The following PIP5K1B variants were observed in gnomAD, a reference collection of about 807,000 sequenced individuals.
PIP5K1B encodes phosphatidylinositol 4-phosphate 5-kinase type-1 beta.
In PIP5K1B, 42 loss-of-function variants were observed where a neutral mutation model predicts 67.0. The observed-to-expected ratio is 0.63, with a 90% CI of 0.49 to 0.81. PIP5K1B has a LOEUF of 0.81. Ranked by LOEUF, PIP5K1B falls within the 30% of genes least tolerant of loss-of-function variation. The pLI is 0.00. For missense variants in PIP5K1B, 459 were observed against 646.3 expected (o/e 0.71, Z 3.14); for synonymous variants, 214 against 231.4 (o/e 0.92, Z 0.68).
At chr9:68,723,185 A>T (rs1345199031) in intron 1 of PIP5K1B, among the ~76,000 whole-genome samples, 359 of 35,268 alleles carry the variant, frequency 0.01, 6 homozygotes, top group Admixed American at 0.085. Flanking sequence ...TGTGTGAGAG[A>T]GAGAGAGAGA....
chr9:68,980,399 A>G (rs1829839567), intron 14 of PIP5K1B, among the ~76,000 whole-genome samples: 1 of 152,178 alleles, frequency 6.6e-6, no homozygotes, highest in Non-Finnish European at 1.5e-5. Context: ...TCCTGTCTAC[A>G]TTTGTTATCA....
intron 15 of PIP5K1B, among the ~76,000 whole-genome samples, chr9:69,003,059 G>C (rs1470171158): frequency 6.6e-6 from 1 of 152,214 alleles, no homozygotes; most frequent in South Asian, 2.1e-4. Context: ...GGGGACCCCG[G>C]AGCCAAGGAG....
Position 68,917,623 on chromosome 9 carries a change from A to G in PIP5K1B, c.847A>G (p.Lys283Glu). Residue 283 changes from lysine to glutamate, a missense_variant, in exon 9 of 16, where the codon AAA (lysine) becomes GAA (glutamate). By Grantham distance (56) the Lys-to-Glu change is moderately conservative. This residue lies in a region of PIP5K1B where 290 missense variants were observed against 474.4 expected (regional missense o/e 0.61). Coordinates refer to ENST00000265382, the MANE Select transcript of PIP5K1B (RefSeq NM_003558.4). Reference protein sequence around the residue: ...IHFLDHSLKEKEEETPQNVPD... With the variant: ...IHFLDHSLKEEEEETPQNVPD... ...TTTCCTGGACCATTCCCTCAAAGAG[A>G]AAGAGGAGGAGACCCCACAAAATGT... 6.2e-7 allele frequency: 1 copy of G among 1,613,968 alleles called. No individual in the cohort carries two copies. The highest frequency in any genetic ancestry group is 1.1e-5 in the South Asian group (1 of 91,074).
At chr9:68,865,013 T>A (rs1452140570) in intron 5 of PIP5K1B, among the ~76,000 whole-genome samples, 1 of 152,216 alleles carries the variant, frequency 6.6e-6, no homozygotes, top group African/African-American at 2.4e-5. Flanking sequence ...TAAAACCTGT[T>A]TGTGGACATG....
intron 2 of PIP5K1B, among the ~76,000 whole-genome samples, chr9:68,806,977 TAC>T (rs1832905200): frequency 6.6e-6 from 1 of 151,658 alleles, no homozygotes. Flanking sequence ...AATTTTTTAT[TAC>T]ATATTAAAGA....
intron 13 of PIP5K1B, among the ~76,000 whole-genome samples, chr9:68,938,691 C>T (rs1213753440): frequency 2.0e-5 from 3 of 152,128 alleles, no homozygotes; most frequent in Non-Finnish European, 2.9e-5. Context: ...GTGCTGAAGA[C>T]GAATCCTCTT....
intron 12 of PIP5K1B, among the ~76,000 whole-genome samples, chr9:68,932,455 C>A (rs931866076): frequency 6.6e-6 from 1 of 151,938 alleles, no homozygotes; most frequent in Admixed American, 6.6e-5. Context: ...AAAAAAATTG[C>A]GTGTTAACAT....
chr9:68,837,415 A>C (rs1388810322), intron 4 of PIP5K1B, among the ~76,000 whole-genome samples: 2 of 152,148 alleles, frequency 1.3e-5, no homozygotes, highest in African/African-American at 4.8e-5. Flanking sequence ...AAAATGCCTT[A>C]GTTTTCACTT....
chr9:68,943,491 A>G (rs1480043634), intron 14 of PIP5K1B, among the ~76,000 whole-genome samples: 1 of 152,166 alleles, frequency 6.6e-6, no homozygotes, highest in Non-Finnish European at 1.5e-5. Flanking sequence ...AAACTTCACC[A>G]ACAAACCAAA....
chr9:68,943,875 A>T (rs896479540), intron 14 of PIP5K1B, among the ~76,000 whole-genome samples: 2 of 152,230 alleles, frequency 1.3e-5, no homozygotes, highest in Non-Finnish European at 2.9e-5. Context: ...TAAGTTGGCA[A>T]GGTATTGATT....
intron 2 of PIP5K1B, chr9:68,784,439 G>A (rs1210059340): frequency 6.0e-6 from 1 of 166,956 alleles, no homozygotes; most frequent in African/African-American, 2.4e-5. Flanking sequence ...GCTGCTGGAT[G>A]TTAGGACCCT....
chr9:68,799,376 T>C (rs1347578440), intron 2 of PIP5K1B, among the ~76,000 whole-genome samples: 1 of 152,180 alleles, frequency 6.6e-6, no homozygotes, highest in Non-Finnish European at 1.5e-5. Context: ...TGGTATTGTT[T>C]TATAGAAATA....
intron 15 of PIP5K1B, among the ~76,000 whole-genome samples, chr9:69,002,543 C>T (rs756775783): frequency 6.6e-6 from 1 of 152,154 alleles, no homozygotes; most frequent in African/African-American, 2.4e-5. Context: ...CACTGCACTA[C>T]ATCCCCAAAT....
At chr9:68,782,081 A>G (rs1336026171) in intron 2 of PIP5K1B, 1 of 167,028 alleles carries the variant, frequency 6.0e-6, no homozygotes, top group Non-Finnish European at 1.5e-5. Flanking sequence ...CTTGTTCAGG[A>G]AGGAAGCAGC....
intron 14 of PIP5K1B, among the ~76,000 whole-genome samples, chr9:68,942,890 A>G (rs1358084035): frequency 6.6e-6 from 1 of 152,176 alleles, no homozygotes; most frequent in Non-Finnish European, 1.5e-5. Context: ...AATTTAATCT[A>G]GGGAATTGGG....
intron 1 of PIP5K1B, among the ~76,000 whole-genome samples, chr9:68,738,283 T>A (rs1828839697): frequency 1.3e-5 from 2 of 152,258 alleles, no homozygotes; most frequent in South Asian, 4.1e-4. Flanking sequence ...GTTGTATTTA[T>A]AATTGAAACA....
In PIP5K1B at chr9:68,876,683, G is replaced by C. The variant is rs1295929571; in HGVS notation, c.207G>C (p.Gly69=). 6.4e-7 allele frequency: 1 copy of C among 1,557,150 alleles called. No individual in the cohort carries two copies. Among genetic ancestry groups the C allele is most frequent in the Non-Finnish European group, 8.9e-7 (1 of 1,128,176 alleles). The part of the protein sequence containing the change: ...VVESVFLPSE[G]SNLTPAHHYP... Reference sequence around the variant, plus strand: ...TTTAATATTTTGACTTCAGCGAAGGGAGCAATCTGACCCCAGCACATCACT... The same window carrying C: ...TTTAATATTTTGACTTCAGCGAAGGCAGCAATCTGACCCCAGCACATCACT... Residue 69 remains glycine, a synonymous_variant, in exon 6 of 16, where the codon GGG becomes GGC. Coordinates refer to ENST00000265382, the MANE Select transcript of PIP5K1B (RefSeq NM_003558.4).
rs866412613 is a variant in PIP5K1B, at chr9:68,749,339, G to A, written c.-86+6682G>A. ...TGAAGTGATGTGGCTACCAGTCAAG[G>A]AGTGCCAATTCTGGCAGCCACCAGG... On this transcript the variant is annotated intron_variant, in intron 2 of 15. Transcript: ENST00000265382. Among the ~76,000 whole-genome samples, 10 of 152,288 alleles carry A rather than the reference G, an allele frequency of 6.6e-5. No individual in the cohort carries two copies. In the Middle Eastern group the frequency reaches 0.017, roughly 259 times the overall value.
At chr9:68,737,922 G>T (rs1335059375) in intron 1 of PIP5K1B, among the ~76,000 whole-genome samples, 1 of 152,174 alleles carries the variant, frequency 6.6e-6, no homozygotes, top group Non-Finnish European at 1.5e-5. Flanking sequence ...AGACATCAAA[G>T]CATTTGACAA....
Sources: allele counts gnomAD v4.1 joint callset (sites outside exome capture counted in the v4.1 genomes callset), GRCh38; gene constraint gnomAD v4.1.1; regional missense constraint gnomAD v4.1.1; transcripts MANE v1.5; gene names NCBI Gene and HGNC (gene_info 2026-07-23, HGNC 2026-07-21).